CCDC32: variants seen among roughly 807,000 people sequenced by gnomAD.
CCDC32 encodes coiled-coil domain containing 32.
CCDC32 carries 9 observed loss-of-function variants against 20.1 expected under a neutral mutation model. That is an observed-to-expected ratio of 0.45 (90% CI 0.27 to 0.78). CCDC32 has a LOEUF of 0.78. Among genes scored for constraint, CCDC32 ranks in the 30% least tolerant of loss-of-function variants. The probability of loss-of-function intolerance (pLI) is 0.16; values close to 1 mark genes in which losing one functional copy is unlikely to be tolerated. For synonymous variants in CCDC32, 63 were observed against 79.0 expected (o/e 0.80, Z 1.07); for missense variants, 204 against 215.5 (o/e 0.95, Z 0.33).
chr15:40,560,319 T>A (rs1042554695), intron 2 of CCDC32, among the ~76,000 whole-genome samples: 3 of 152,096 alleles, frequency 2.0e-5, no homozygotes, highest in Admixed American at 1.3e-4. Context: ...AGGCAAAAAA[T>A]TTATGACTAA....
chr15:40,522,111 G>GAAAAAAAGAA, the CCDC32 span, among the ~76,000 whole-genome samples: 1 of 151,906 alleles, frequency 6.6e-6, no homozygotes, highest in Non-Finnish European at 1.5e-5. Context: ...TAAAAAAAGA[G>GAAAAAAAGAA]AAAAAAAGAA....
intron 2 of CCDC32, among the ~76,000 whole-genome samples, chr15:40,558,462 T>C (rs1890396991): frequency 6.6e-6 from 1 of 152,178 alleles, no homozygotes; most frequent in Admixed American, 6.5e-5. Context: ...CTGTTATCAG[T>C]GGATTCTCTT....
chr15:40,539,637 A>G (rs548097861), intron 3 of CCDC32, among the ~76,000 whole-genome samples: 1 of 152,296 alleles, frequency 6.6e-6, no homozygotes, highest in African/African-American at 2.4e-5. Flanking sequence ...GGAAAAGCAG[A>G]GACCAAGGCA....
intron 2 of CCDC32, among the ~76,000 whole-genome samples, chr15:40,559,037 CAT>C (rs1464447184): frequency 1.3e-5 from 2 of 151,918 alleles, no homozygotes; most frequent in Non-Finnish European, 2.9e-5. Flanking sequence ...CTCCTGACCT[CAT>C]GTGATCTGCC....
rs1032235655 is a variant in CCDC32, at chr15:40,553,262, A to C, written c.*709T>G. 37 of 985,344 alleles carry C rather than the reference A, an allele frequency of 3.8e-5. No individual in the cohort carries two copies. Among genetic ancestry groups the C allele is most frequent in the Non-Finnish European group, 4.2e-5 (35 of 829,948 alleles). The allele number at this position is 985,344 out of a possible 1,614,324, so 61.0% of individuals were successfully genotyped here. ...ACCATATTTACAAGTCTAATTTGGA[A>C]CCTGGCCCTTTTTAAGTGCAGGAGG... On this transcript the variant is annotated 3_prime_UTR_variant, in exon 4 of 4. Transcript: ENST00000416810.
At chr15:40,556,194 A>G (rs1890225912) in intron 3 of CCDC32, among the ~76,000 whole-genome samples, 1 of 152,134 alleles carries the variant, frequency 6.6e-6, no homozygotes, top group Non-Finnish European at 1.5e-5. Flanking sequence ...TGCCCTCTCT[A>G]TCTTTCTGCA....
intron 3 of CCDC32, among the ~76,000 whole-genome samples, chr15:40,555,050 A>G (rs568029483): frequency 5.4e-4 from 83 of 152,312 alleles, no homozygotes; most frequent in South Asian, 1.5e-3. Flanking sequence ...ATACGTGAAG[A>G]CCTATACAAC....
At chr15:40,531,187 T>C (rs1409940414), downstream of CCDC32, 1 of 150,836 alleles carries the variant, frequency 6.6e-6, no homozygotes, top group African/African-American at 2.4e-5. Flanking sequence ...GGGTGGGAGG[T>C]GGGTGAAGGA....
At chr15:40,543,141 A>G (rs897908097) in intron 3 of CCDC32, among the ~76,000 whole-genome samples, 1 of 80,340 alleles carries the variant, frequency 1.2e-5, no homozygotes, top group East Asian at 2.6e-4. Context: ...GACTCTGTCT[A>G]AAAAAAAAAA....
chr15:40,543,170 GAAA>G (rs1889472194), intron 3 of CCDC32, among the ~76,000 whole-genome samples: 2 of 151,350 alleles, frequency 1.3e-5, no homozygotes, highest in Non-Finnish European at 2.9e-5. Context: ...AAAAGAAAGA[GAAA>G]AAAGAAAAGA....
At position 40,529,251 on chromosome 15, in the gene CCDC32, A is replaced by T. The variant is rs148092624; in HGVS notation, c.402-461T>A. Among the ~76,000 whole-genome samples the T allele has an allele frequency of 1.2e-3, 184 of 152,354 alleles. 1 individual carries two copies. The East Asian group carries it at 0.022, about 19-fold the overall frequency. ...GTTTGCCGGTGTTTTCAGATGACAGAGGTCCGAAGAATACAGAAAAGGGCC... is the reference window on the plus strand; with the variant it reads ...GTTTGCCGGTGTTTTCAGATGACAGTGGTCCGAAGAATACAGAAAAGGGCC... On this transcript the variant is annotated intron_variant, in intron 3 of 3. Transcript: ENST00000560305.
chr15:40,526,576 A>G (rs1894902931), downstream of CCDC32, among the ~76,000 whole-genome samples: 1 of 152,220 alleles, frequency 6.6e-6, no homozygotes, highest in African/African-American at 2.4e-5. Context: ...ACACATTTGT[A>G]AATATTTCTA....
chr15:40,532,738 T>TTTG (rs890643154), downstream of CCDC32, among the ~76,000 whole-genome samples: 2 of 145,966 alleles, frequency 1.4e-5, no homozygotes, highest in African/African-American at 5.1e-5. Flanking sequence ...TTTTTTTTTT[T>TTTG]TGAGAGAGAA....
chr15:40,526,328 T>C (rs964942691), downstream of CCDC32, among the ~76,000 whole-genome samples: 7 of 152,228 alleles, frequency 4.6e-5, no homozygotes, highest in African/African-American at 1.7e-4. Context: ...GTATGCCAGG[T>C]ACTGTTTTAT....
At chr15:40,563,602 CA>C (rs1890803423) in intron 1 of CCDC32, among the ~76,000 whole-genome samples, 1 of 151,774 alleles carries the variant, frequency 6.6e-6, no homozygotes, top group Non-Finnish European at 1.5e-5. Context: ...GTTATGGTTG[CA>C]CAACAATGTG....
chr15:40,564,667 G>A, intron 1 of CCDC32: 1 of 1,542,108 alleles, frequency 6.5e-7, no homozygotes, highest in African/African-American at 1.4e-5. Context: ...AAAAGGGACA[G>A]CTATGACACG....
At chr15:40,560,610 CAT>C (rs1217130885) in intron 2 of CCDC32, among the ~76,000 whole-genome samples, 2 of 152,096 alleles carry the variant, frequency 1.3e-5, no homozygotes, top group African/African-American at 4.8e-5. Flanking sequence ...GGCTAACAAA[CAT>C]ATGAAAAAAT....
intron 3 of CCDC32, among the ~76,000 whole-genome samples, chr15:40,545,886 T>C (rs1427195489): frequency 6.6e-6 from 1 of 152,178 alleles, no homozygotes; most frequent in Non-Finnish European, 1.5e-5. Flanking sequence ...CACACCTCAT[T>C]CATGTAACTA....
downstream of CCDC32, among the ~76,000 whole-genome samples, chr15:40,549,485 C>A (rs567934691): frequency 2.0e-4 from 31 of 152,302 alleles, no homozygotes; most frequent in Non-Finnish European, 3.8e-4. Flanking sequence ...TCTCTCCTAC[C>A]CCACTCCAAC....
Sources: gnomAD v4.1 joint callset for allele counts (sites outside exome capture counted in the v4.1 genomes callset) on GRCh38, gnomAD v4.1.1 for gene constraint, MANE v1.5 for transcripts, NCBI Gene and HGNC (gene_info 2026-07-23, HGNC 2026-07-21) for gene names.